Variants in KCNH8 observed in about 807,000 individuals in gnomAD.
KCNH8 encodes potassium voltage-gated channel subfamily H member 8, also known as voltage-gated delayed rectifier potassium channel KCNH8.
In KCNH8, 70 loss-of-function variants were observed where a neutral mutation model predicts 103.6. That is an observed-to-expected ratio of 0.68 (90% CI 0.56 to 0.82). The LOEUF is 0.82. KCNH8 is among the 40% of genes least tolerant of loss of function. The pLI is 0.00. For missense variants in KCNH8, 1,217 were observed against 1,329.9 expected (o/e 0.92, Z 1.32); for synonymous variants, 498 against 489.4 (o/e 1.02, Z -0.23).
chr3:19,368,667 G>A (rs1297392090), intron 5 of KCNH8, among the ~76,000 whole-genome samples: 2 of 151,922 alleles, frequency 1.3e-5, no homozygotes, highest in Non-Finnish European at 2.9e-5. Flanking sequence ...GAGCATAAAC[G>A]TGCTAGATAC....
chr3:19,519,389 A>C (rs769528636), intron 15 of KCNH8, among the ~76,000 whole-genome samples: 24 of 151,776 alleles, frequency 1.6e-4, no homozygotes, highest in Non-Finnish European at 3.4e-4. Context: ...TAATAAGGGC[A>C]GACTGAGTAG....
chr3:19,450,497 G>T, intron 9 of KCNH8, 192 bp downstream of exon 9: 1 of 587,140 alleles, frequency 1.7e-6, no homozygotes, highest in South Asian at 2.0e-5. Flanking sequence ...TGCCAATTTG[G>T]ATTGACCGAA....
At chr3:19,153,725 C>T (rs764108865) in intron 1 of KCNH8, among the ~76,000 whole-genome samples, 4 of 151,184 alleles carry the variant, frequency 2.6e-5, no homozygotes, top group African/African-American at 4.9e-5. Flanking sequence ...CTCCGCCTCC[C>T]GGGTTCAAGC....
chr3:19,309,366 T>A (rs749005377), intron 3 of KCNH8, among the ~76,000 whole-genome samples: 4 of 151,924 alleles, frequency 2.6e-5, no homozygotes, highest in Non-Finnish European at 4.4e-5. Context: ...AAAAATTATT[T>A]GGAGGTTTTA....
chr3:19,503,611 A>C (rs988138413), intron 11 of KCNH8, among the ~76,000 whole-genome samples: 6 of 152,170 alleles, frequency 3.9e-5, no homozygotes, highest in African/African-American at 1.4e-4. Flanking sequence ...AAAAATGATG[A>C]GTTCACGTCC....
chr3:19,423,332 T>C (rs1256685156), intron 7 of KCNH8, among the ~76,000 whole-genome samples: 1 of 152,088 alleles, frequency 6.6e-6, no homozygotes, highest in African/African-American at 2.4e-5. Context: ...TGAATTTTGG[T>C]TGCATGAATA....
chr3:19,532,879 C>T (rs1203433776), intron 15 of KCNH8, among the ~76,000 whole-genome samples: 2 of 152,174 alleles, frequency 1.3e-5, no homozygotes, highest in Non-Finnish European at 2.9e-5. Flanking sequence ...ACCCCTTGGG[C>T]TTGGTTGGAG....
intron 3 of KCNH8, among the ~76,000 whole-genome samples, chr3:19,287,424 A>C (rs74470876): frequency 0.024 from 3,597 of 152,276 alleles, 112 homozygotes; most frequent in East Asian, 0.085. Flanking sequence ...TGAGAATCTT[A>C]CTAACTTTCC....
chr3:19,234,568 C>T (rs1163072516), intron 1 of KCNH8, among the ~76,000 whole-genome samples: 1 of 152,246 alleles, frequency 6.6e-6, no homozygotes, highest in Non-Finnish European at 1.5e-5. Flanking sequence ...CCACGCGGAA[C>T]TCCCGCTGGC....
chr3:19,498,268 G>C (rs533321026), intron 11 of KCNH8, among the ~76,000 whole-genome samples: 26 of 152,138 alleles, frequency 1.7e-4, no homozygotes, highest in Non-Finnish European at 2.1e-4. Flanking sequence ...GTGTGGATTT[G>C]ATCCTTTTAT....
chr3:19,502,994 T>A (rs1391648672), intron 11 of KCNH8, among the ~76,000 whole-genome samples: 1 of 151,810 alleles, frequency 6.6e-6, no homozygotes, highest in Non-Finnish European at 1.5e-5. Context: ...ACAGGCAACC[T>A]ACAAAATGGG....
intron 7 of KCNH8, among the ~76,000 whole-genome samples, chr3:19,435,110 T>C (rs575751028): frequency 3.9e-5 from 6 of 152,258 alleles, no homozygotes; most frequent in African/African-American, 9.6e-5. Context: ...GTGGTAATCA[T>C]TTCATAACGT....
intron 1 of KCNH8, among the ~76,000 whole-genome samples, chr3:19,213,824 C>G (rs1388553012): frequency 6.6e-6 from 1 of 152,116 alleles, no homozygotes; most frequent in Non-Finnish European, 1.5e-5. Context: ...CAGAATGGTC[C>G]TGGTATTGGC....
intron 11 of KCNH8, among the ~76,000 whole-genome samples, chr3:19,464,051 C>A (rs13092831): frequency 0.7 from 105,753 of 151,940 alleles, 37,927 homozygotes; most frequent in African/African-American, 0.86. Flanking sequence ...TACCAGAGGA[C>A]TTTCTGTACA....
In KCNH8 at chr3:19,342,621, C is replaced by T. The variant is rs761053210; in HGVS notation, c.477C>T (p.His159=). 1.1e-5 allele frequency: 17 copies of T among 1,610,964 alleles called. No individual in the cohort carries two copies. The highest frequency in any genetic ancestry group is 1.4e-5 in the Non-Finnish European group (16 of 1,177,862). ...KVKGRSRAGT[H]FDSARRRSRA... is the part of the protein sequence containing the mutation. ...AAGGAAGATCAAGAGCAGGGACCCA[C>T]TTTGACTCAGCCCGGAGACGGAGTC... Residue 159 remains histidine (H), a synonymous_variant, in exon 4 of 16, where the codon CAC becomes CAT. Transcript: ENST00000328405.
intron 12 of KCNH8, among the ~76,000 whole-genome samples, chr3:19,511,216 T>A (rs1254000303): frequency 6.9e-6 from 1 of 144,634 alleles, no homozygotes; most frequent in Non-Finnish European, 1.5e-5. Context: ...ATTGTTCAAC[T>A]CGCATGTATG....
At chr3:19,388,291 T>G (rs1322438958) in intron 5 of KCNH8, among the ~76,000 whole-genome samples, 2 of 152,178 alleles carry the variant, frequency 1.3e-5, no homozygotes, top group Non-Finnish European at 2.9e-5. Flanking sequence ...TGTGCTTCCT[T>G]TTAGAAAACA....
chr3:19,467,090 T>A (rs2067754403), intron 11 of KCNH8, among the ~76,000 whole-genome samples: 1 of 152,220 alleles, frequency 6.6e-6, no homozygotes, highest in South Asian at 2.1e-4. Context: ...AAATTTCATA[T>A]GACTCACTTT....
At chr3:19,510,113 G>A (rs1468141331) in intron 11 of KCNH8, among the ~76,000 whole-genome samples, 4 of 152,068 alleles carry the variant, frequency 2.6e-5, no homozygotes, top group Non-Finnish European at 5.9e-5. Flanking sequence ...ATTCAACTTG[G>A]TGCTCCTTTT....
Sources: allele counts gnomAD v4.1 joint callset (sites outside exome capture counted in the v4.1 genomes callset), GRCh38; gene constraint gnomAD v4.1.1; transcripts MANE v1.5; gene names NCBI Gene and HGNC (gene_info 2026-07-23, HGNC 2026-07-21).